KCNK2: variants seen among roughly 807,000 people sequenced by gnomAD.
KCNK2 encodes potassium channel subfamily K member 2.
Under a neutral mutation model 40.5 loss-of-function variants are expected in KCNK2, and 21 were observed. That is an observed-to-expected ratio of 0.52 (90% CI 0.37 to 0.75). KCNK2 has a LOEUF of 0.75. Among genes scored for constraint, KCNK2 ranks in the 30% least tolerant of loss-of-function variants. The pLI, the probability that KCNK2 is intolerant of heterozygous loss-of-function variation, is 0.00. For missense variants in KCNK2, 399 were observed against 531.6 expected (o/e 0.75, Z 2.45); for synonymous variants, 191 against 202.2 (o/e 0.94, Z 0.47).
intron 1 of KCNK2, among the ~76,000 whole-genome samples, chr1:215,027,757 G>A (rs1014543189): frequency 3.9e-5 from 6 of 152,124 alleles, no homozygotes; most frequent in Non-Finnish European, 7.4e-5. Flanking sequence ...AGTATAGATA[G>A]GATGAATTTC....
At chr1:215,049,086 T>G (rs1051859917) in intron 1 of KCNK2, among the ~76,000 whole-genome samples, 1 of 152,190 alleles carries the variant, frequency 6.6e-6, no homozygotes, top group African/African-American at 2.4e-5. Flanking sequence ...AGAGTAGGTA[T>G]AATATTTTAC....
chr1:215,211,428 G>T (rs566811962), intron 6 of KCNK2, among the ~76,000 whole-genome samples: 2 of 152,166 alleles, frequency 1.3e-5, no homozygotes, highest in South Asian at 4.1e-4. Context: ...TTCTATTTAA[G>T]ATTGACATCC....
chr1:215,027,199 A>G (rs996920401), intron 1 of KCNK2, among the ~76,000 whole-genome samples: 2 of 152,110 alleles, frequency 1.3e-5, no homozygotes, highest in African/African-American at 4.8e-5. Flanking sequence ...CAAAATGGAG[A>G]TAATTTTATC....
intron 1 of KCNK2, among the ~76,000 whole-genome samples, chr1:215,046,897 A>C (rs1400334361): frequency 1.3e-5 from 2 of 152,078 alleles, no homozygotes; most frequent in African/African-American, 4.8e-5. Context: ...AAAAAGAGAA[A>C]CTGATATTTA....
chr1:215,220,114 T>A (rs1194045218), intron 6 of KCNK2, among the ~76,000 whole-genome samples: 1 of 152,240 alleles, frequency 6.6e-6, no homozygotes, highest in East Asian at 1.9e-4. Context: ...GGAATATATT[T>A]TATACTCATG....
intron 1 of KCNK2, among the ~76,000 whole-genome samples, chr1:215,049,625 C>T (rs1657912290): frequency 6.6e-6 from 1 of 152,116 alleles, no homozygotes; most frequent in Non-Finnish European, 1.5e-5. Flanking sequence ...TACACCTCTA[C>T]ATGTTACAGT....
chr1:215,228,209 G>A (rs1190578592), intron 6 of KCNK2, among the ~76,000 whole-genome samples: 1 of 152,078 alleles, frequency 6.6e-6, no homozygotes. Flanking sequence ...TAAGGAGGAG[G>A]GTAAAGGAAA....
At chr1:215,057,278 A>T (rs561976403) in intron 1 of KCNK2, among the ~76,000 whole-genome samples, 20 of 151,672 alleles carry the variant, frequency 1.3e-4, no homozygotes, top group South Asian at 6.2e-4. Flanking sequence ...ATATTTTTTT[A>T]AAAAAGATGC....
chr1:215,153,247 G>A (rs192145536), intron 3 of KCNK2, among the ~76,000 whole-genome samples: 4 of 152,220 alleles, frequency 2.6e-5, no homozygotes, highest in East Asian at 3.9e-4. Context: ...AAACAAAAAC[G>A]TATGTGGGGT....
chr1:215,127,011 A>G (rs978293848), intron 3 of KCNK2, among the ~76,000 whole-genome samples: 27 of 152,198 alleles, frequency 1.8e-4, no homozygotes, highest in Non-Finnish European at 1.6e-4. Flanking sequence ...TTATTCCATA[A>G]AATTCAAAGT....
chr1:215,155,596 T>G (rs1571674420), intron 3 of KCNK2, among the ~76,000 whole-genome samples: 1 of 152,190 alleles, frequency 6.6e-6, no homozygotes, highest in African/African-American at 2.4e-5. Context: ...CTCGGCTCAC[T>G]GCAACCTCTG....
intron 6 of KCNK2, among the ~76,000 whole-genome samples, chr1:215,197,833 C>G (rs1664928055): frequency 2.6e-5 from 4 of 152,150 alleles, no homozygotes; most frequent in Admixed American, 2.6e-4. Flanking sequence ...AACTTCATCT[C>G]TACTAAAAAT....
At chr1:215,169,161 A>G (rs1231105333) in intron 3 of KCNK2, 38 bp from the exon 4 acceptor site, 4 of 1,520,746 alleles carry the variant, frequency 2.6e-6, no homozygotes, top group Non-Finnish European at 3.6e-6. Flanking sequence ...GTTTTAAACA[A>G]CTATTATTCA....
chr1:215,045,264 T>C (rs1657728784), intron 1 of KCNK2, among the ~76,000 whole-genome samples: 1 of 151,806 alleles, frequency 6.6e-6, no homozygotes, highest in African/African-American at 2.4e-5. Context: ...AAGGCAACTT[T>C]GGGACTATCC....
At chr1:215,069,163 C>T (rs1045246280) in intron 1 of KCNK2, among the ~76,000 whole-genome samples, 1 of 152,166 alleles carries the variant, frequency 6.6e-6, no homozygotes, top group Non-Finnish European at 1.5e-5. Flanking sequence ...AGGATAGATG[C>T]GTAGACACCC....
intron 5 of KCNK2, among the ~76,000 whole-genome samples, chr1:215,187,158 A>C (rs573379077): frequency 6.1e-4 from 93 of 152,156 alleles, no homozygotes; most frequent in Non-Finnish European, 1.1e-3. Flanking sequence ...TTTTGTAGAG[A>C]TGAGATCTCC....
chr1:215,026,471 T>C (rs1332343179), intron 1 of KCNK2, among the ~76,000 whole-genome samples: 22 of 152,160 alleles, frequency 1.4e-4, no homozygotes, highest in Middle Eastern at 3.4e-3. Context: ...TTTTTTAGAA[T>C]GAATAGCGGC....
At chr1:215,089,548 G>A (rs115936055) in intron 2 of KCNK2, among the ~76,000 whole-genome samples, 224 of 152,208 alleles carry the variant, frequency 1.5e-3, no homozygotes, top group African/African-American at 5.2e-3. Flanking sequence ...TGTGTCTCAG[G>A]GTGGGGTTGG....
chr1:215,064,483 A>C (rs888904253), intron 1 of KCNK2, among the ~76,000 whole-genome samples: 7 of 152,174 alleles, frequency 4.6e-5, no homozygotes, highest in South Asian at 4.1e-4. Flanking sequence ...CGGTGATGAG[A>C]CTGCAGTATC....
Sources: gnomAD v4.1 joint callset for allele counts (sites outside exome capture counted in the v4.1 genomes callset) on GRCh38, gnomAD v4.1.1 for gene constraint, MANE v1.5 for transcripts, NCBI Gene and HGNC (gene_info 2026-07-23, HGNC 2026-07-21) for gene names.